BBS1: variants seen among roughly 807,000 people sequenced by gnomAD.
The protein encoded by BBS1 is Bardet-Biedl syndrome 1, also known as BBSome complex member BBS1.
BBS1 carries 60 observed loss-of-function variants against 73.9 expected under a neutral mutation model. The observed-to-expected ratio is 0.81, with a 90% confidence interval of 0.66 to 1.01. BBS1 has a LOEUF of 1.01. BBS1 is among the 50% of genes least tolerant of loss of function. The pLI is 0.00. For missense variants in BBS1, 718 were observed against 770.3 expected (o/e 0.93, Z 0.80); for synonymous variants, 283 against 317.4 (o/e 0.89, Z 1.15).
intron 3 of BBS1, 107 bp downstream of exon 3, chr11:66,511,346 T>C (rs1590754346): frequency 7.4e-7 from 1 of 1,349,264 alleles, no homozygotes; most frequent in Admixed American, 2.4e-5. Flanking sequence ...AATTCACATA[T>C]ACTGTGAAAA....
chr11:66,511,130 G>A lies in BBS1; in HGVS notation c.124+41G>A, dbSNP rs746659411. 2.5e-6 allele frequency: 4 copies of A among 1,613,656 alleles called. No homozygotes were observed. The African/African-American group carries it at 5.3e-5, about 22-fold the overall frequency. ...CAGGAACCCTGGGTTCTAGTGGGAT[G>A]GGGAGTCAGACAATGGTCCTGTAGT... On this transcript the variant is annotated intron_variant, in intron 2 of 16. Coordinates refer to ENST00000318312, the MANE Select transcript of BBS1 (RefSeq NM_024649.5).
At chr11:66,527,204 T>C in intron 13 of BBS1, 1 of 562,556 alleles carries the variant, frequency 1.8e-6, no homozygotes, top group Admixed American at 3.1e-5. Context: ...GATACTTCTT[T>C]CTCAAAAAAA....
At chr11:66,511,261 G>A (rs757090408) in intron 3 of BBS1, 22 bp downstream of exon 3, 26 of 1,613,978 alleles carry the variant, frequency 1.6e-5, no homozygotes, top group Non-Finnish European at 2.0e-5. Flanking sequence ...ACCCTAGCCA[G>A]GAGAGTTGAG....
intron 13 of BBS1, chr11:66,527,206 T>G: frequency 1.9e-6 from 1 of 518,366 alleles, no homozygotes; most frequent in Non-Finnish European, 3.4e-6. Context: ...TACTTCTTTC[T>G]CAAAAAAAAA....
At chr11:66,520,564 C>T (rs1180719124) in intron 8 of BBS1, 8 of 154,942 alleles carry the variant, frequency 5.2e-5, no homozygotes, top group Admixed American at 1.9e-4. Flanking sequence ...GGATTACAGG[C>T]GTGAGCCACC....
At chr11:66,527,409 G>A (rs1023505983) in intron 13 of BBS1, among the ~76,000 whole-genome samples, 5 of 152,180 alleles carry the variant, frequency 3.3e-5, no homozygotes, top group Middle Eastern at 3.4e-3. Flanking sequence ...AGTGGCTCAC[G>A]CCTGTAATCC....
intron 13 of BBS1, among the ~76,000 whole-genome samples, chr11:66,527,236 A>G (rs931189938): frequency 3.3e-5 from 5 of 151,346 alleles, no homozygotes; most frequent in African/African-American, 1.2e-4. Context: ...AGAGAGAAAG[A>G]GAAAAGTAGA....
At chr11:66,515,434 G>A in intron 4 of BBS1, 106 bp from the exon 5 acceptor site, 1 of 1,238,430 alleles carries the variant, frequency 8.1e-7, no homozygotes, top group East Asian at 2.4e-5. Context: ...TGGCAGGGAG[G>A]CAGAGACCAA....
intron 11 of BBS1, among the ~76,000 whole-genome samples, chr11:66,525,417 T>C (rs369202095): frequency 1.1e-5 from 1 of 93,964 alleles, no homozygotes; most frequent in African/African-American, 3.3e-5. Flanking sequence ...AATAGAAAAA[T>C]TAGCCAAGCA....
Position 66,521,010 on chromosome 11 carries a change from C to T in BBS1, c.724-260C>T, listed in dbSNP as rs973933980. The T allele has an allele frequency of 1.4e-5, 7 of 496,300 alleles. No homozygotes were observed. The East Asian group carries it at 2.7e-4, about 19-fold the overall frequency. 30.7% of individuals were successfully genotyped at this position (496,300 alleles called of 1,614,324 possible). A position where few individuals can be genotyped will look rare whatever the true frequency, so the allele number is the denominator to read the frequency against. ...TTGGGATTACAGGTGTGGGCCACCA[C>T]ACCCAGCTGCACGGTTGTTTAAGTA... On this transcript the variant is annotated intron_variant, in intron 8 of 16. Coordinates refer to ENST00000318312, the MANE Select transcript of BBS1 (RefSeq NM_024649.5).
chr11:66,529,929 G>T lies in BBS1; in HGVS notation c.1450G>T (p.Glu484Ter). ...GAGCCCCCTGTCCACGACAGCCCGA[G>T]AGCCACTCAAGCTGCACGCCGTGGT... Reference protein sequence around the residue: ...SLSPLSTTAREPLKLHAVVQG... With the variant: ...SLSPLSTTAR The change falls in exon 14 of 17, where the codon GAG becomes TAG. Residue 484 changes from glutamate to a stop codon, truncating the protein, a stop_gained. Transcript: ENST00000318312. LOFTEE classifies it high-confidence loss of function. 6.2e-7 allele frequency: 1 copy of T among 1,604,866 alleles called. No individual in the cohort carries two copies. The highest frequency in any genetic ancestry group is 8.5e-7 in the Non-Finnish European group (1 of 1,179,670).
At chr11:66,518,193 G>A (rs571434196) in intron 7 of BBS1, among the ~76,000 whole-genome samples, 1 of 151,698 alleles carries the variant, frequency 6.6e-6, no homozygotes. Flanking sequence ...CCAACCTCAC[G>A]TGATCCACCC....
Position 66,532,288 on chromosome 11 carries a change from C to G in BBS1, c.*251C>G. 1.8e-6 allele frequency: 1 copy of G among 553,636 alleles called. No individual in the cohort carries two copies. The highest frequency in any genetic ancestry group is 3.3e-6 in the Non-Finnish European group (1 of 307,278). The allele number at this position is 553,636 out of a possible 1,614,324, so 34.3% of individuals were successfully genotyped here. A position where few individuals can be genotyped will look rare whatever the true frequency, so the allele number is the denominator to read the frequency against. ...CACTGAAGTCCTACTACGCCCTCCC[C>G]TCCCCAGCCTTTTCCAGAAACCATA... On this transcript the variant is annotated 3_prime_UTR_variant, in exon 17 of 17. Coordinates refer to ENST00000318312, the MANE Select transcript of BBS1 (RefSeq NM_024649.5).
chr11:66,510,653 TGCGAAGATG>T lies in BBS1; in HGVS notation c.-4_5del. On this transcript the variant is annotated start_lost and 5_prime_UTR_variant, in exon 1 of 17. Transcript: ENST00000318312. The stretch of plus-strand genomic sequence containing the variant: ...CGGGGCCGGTTGCCAGGACGACGCC[TGCGAAGATG>T]GCCGCTGCGTCCTCATCGGATTCCG... 1 of 1,614,074 alleles carries T rather than the reference TGCGAAGATG, an allele frequency of 6.2e-7. No individual in the cohort carries two copies. Among genetic ancestry groups the T allele is most frequent in the South Asian group, 1.1e-5 (1 of 91,090 alleles).
At position 66,515,701 on chromosome 11, in the gene BBS1, C is replaced by T. The variant is rs1856035833; in HGVS notation, c.488C>T (p.Ala163Val). 2 of 1,614,086 alleles carry T rather than the reference C, an allele frequency of 1.2e-6. No individual in the cohort carries two copies. Among genetic ancestry groups the T allele is most frequent in the Admixed American group, 3.3e-5 (2 of 60,010 alleles). ...GGCCCCTTTCCTTGCAGGGAGACGG[C>T]AGAGGAGCCTTTGTCCATCCAGTCA... ...KEMLESIRET[A>V]EEPLSIQSLR... The change falls in exon 6 of 17, where the codon GCA (alanine) becomes GTA (valine). Residue 163 changes from alanine to valine, a missense_variant. Coordinates refer to ENST00000318312, the MANE Select transcript of BBS1 (RefSeq NM_024649.5).
chr11:66,523,949 A>T (rs1708764202), intron 11 of BBS1, 67 bp downstream of exon 11: 2 of 1,595,996 alleles, frequency 1.3e-6, no homozygotes, highest in Admixed American at 3.3e-5. Flanking sequence ...GGGGCTTCTT[A>T]GCTGCCTCTT....
chr11:66,527,118 T>G, intron 13 of BBS1: 1 of 1,135,638 alleles, frequency 8.8e-7, no homozygotes, highest in Non-Finnish European at 1.3e-6. Flanking sequence ...GGCTCACGCC[T>G]GTAATCCCAA....
chr11:66,529,621 A>C lies in BBS1; in HGVS notation c.1340-198A>C, dbSNP rs559531089. 56 of 709,872 alleles carry C rather than the reference A, an allele frequency of 7.9e-5. 1 individual carries two copies. In the South Asian group the frequency reaches 9.2e-4, roughly 12 times the overall value. 44.0% of individuals were successfully genotyped at this position (709,872 alleles called of 1,614,324 possible). ...GCAGGGAGGTGGTAAGAGAGTGAGA[A>C]GAGGCAGGGCGAGGCCACGGCGTCG... On this transcript the variant is annotated intron_variant, in intron 13 of 16. Coordinates refer to ENST00000318312, the MANE Select transcript of BBS1 (RefSeq NM_024649.5).
In BBS1 at chr11:66,526,563, A is replaced by G. The variant is rs927826312; in HGVS notation, c.1181-86A>G. 5 of 1,564,506 alleles carry G rather than the reference A, an allele frequency of 3.2e-6. No individual in the cohort carries two copies. In the Admixed American group the frequency reaches 5.0e-5, roughly 16 times the overall value. Reference sequence around the variant, plus strand: ...CGGATGTGTACAGAAGCAACTCTATAGGAGGCAGATTGTTTGGGGAAGAAA... The same window carrying G: ...CGGATGTGTACAGAAGCAACTCTATGGGAGGCAGATTGTTTGGGGAAGAAA... On this transcript the variant is annotated intron_variant, in intron 12 of 16. Coordinates refer to ENST00000318312, the MANE Select transcript of BBS1 (RefSeq NM_024649.5).
Sources: gnomAD v4.1 joint callset for allele counts (sites outside exome capture counted in the v4.1 genomes callset) on GRCh38, gnomAD v4.1.1 for gene constraint, MANE v1.5 for transcripts, NCBI Gene and HGNC (gene_info 2026-07-23, HGNC 2026-07-21) for gene names.